The following DAB1 variants were observed in gnomAD, a reference collection of about 807,000 sequenced individuals.
DAB1 encodes the protein DAB adaptor protein 1.
Under a neutral mutation model 64.6 loss-of-function variants are expected in DAB1, and 15 were observed. That is an observed-to-expected ratio of 0.23 (90% CI 0.16 to 0.36). DAB1 has a LOEUF of 0.36. Among genes scored for constraint, DAB1 ranks in the 10% least tolerant of loss-of-function variants. DAB1 has a pLI of 1.00. For missense variants in DAB1, 596 were observed against 706.7 expected (o/e 0.84, Z 1.78); for synonymous variants, 235 against 251.9 (o/e 0.93, Z 0.64).
intron 9 of DAB1, among the ~76,000 whole-genome samples, chr1:57,056,300 A>T (rs891751447): frequency 6.7e-6 from 1 of 149,670 alleles, no homozygotes; most frequent in African/African-American, 2.5e-5. Context: ...GGAATTCAAG[A>T]CCACAGTGGG....
intron 6 of DAB1, among the ~76,000 whole-genome samples, chr1:57,656,514 A>G (rs971162241): frequency 6.6e-6 from 1 of 152,234 alleles, no homozygotes; most frequent in African/African-American, 2.4e-5. Context: ...TAGGTCTTGG[A>G]CCAGAATGTG....
intron 5 of DAB1, among the ~76,000 whole-genome samples, chr1:58,076,412 T>C (rs1053158712): frequency 6.6e-6 from 1 of 152,164 alleles, no homozygotes; most frequent in Non-Finnish European, 1.5e-5. Flanking sequence ...TGGCAACTAT[T>C]ATAAGCACTT....
intron 6 of DAB1, among the ~76,000 whole-genome samples, chr1:57,799,403 A>T (rs1047414676): frequency 6.6e-6 from 1 of 152,116 alleles, no homozygotes; most frequent in Non-Finnish European, 1.5e-5. Context: ...AAAAGAGTGG[A>T]TGGAACTCGC....
intron 5 of DAB1, chr1:58,047,776 G>A (rs1021753638): frequency 4.6e-6 from 1 of 217,284 alleles, no homozygotes; most frequent in African/African-American, 2.3e-5. Flanking sequence ...TGCCTGAGTT[G>A]AAAGTCCAGT....
At chr1:57,875,707 G>A (rs531685921) in intron 1 of DAB1, among the ~76,000 whole-genome samples, 4 of 152,270 alleles carry the variant, frequency 2.6e-5, no homozygotes, top group Non-Finnish European at 5.9e-5. Context: ...AAGAATAAAT[G>A]AATGAACTGC....
chr1:57,826,395 C>T (rs757001390), exon 2 of DAB1: 4 of 152,146 alleles, frequency 2.6e-5, no homozygotes, highest in Non-Finnish European at 4.4e-5. Flanking sequence ...AGAGGAGCAT[C>T]TCATCCAAGC....
At chr1:57,700,049 GACAGCATCAACAGTCA>G (rs1646889707) in intron 6 of DAB1, among the ~76,000 whole-genome samples, 1 of 152,036 alleles carries the variant, frequency 6.6e-6, no homozygotes, top group Non-Finnish European at 1.5e-5. Flanking sequence ...CTAACTTGCT[GACAGCATCAACAGTCA>G]ACCAGTTTCC....
chr1:58,483,796 G>A (rs1645529297), intron 3 of DAB1, among the ~76,000 whole-genome samples: 1 of 152,196 alleles, frequency 6.6e-6, no homozygotes, highest in African/African-American at 2.4e-5. Flanking sequence ...GACTGTCTCT[G>A]CAAAATTGGG....
At chr1:57,588,930 A>G (rs1645410997) in intron 7 of DAB1, among the ~76,000 whole-genome samples, 1 of 152,222 alleles carries the variant, frequency 6.6e-6, no homozygotes, top group Non-Finnish European at 1.5e-5. Context: ...AGAACAAAAA[A>G]AGTAGATAAA....
chr1:57,122,270 C>T lies in DAB1; in HGVS notation c.306+14273G>A, dbSNP rs189573537. On this transcript the variant is annotated intron_variant, in intron 4 of 14. Transcript: ENST00000371236. The stretch of plus-strand genomic sequence containing the variant: ...GGCTTCTCTGATTCATCTTCATATC[C>T]CAGTGCCTGGTACACATTGGATGCT... Among the ~76,000 whole-genome samples, 86 of 152,164 alleles carry T rather than the reference C, an allele frequency of 5.7e-4. 2 individuals carry two copies. In the East Asian group the frequency reaches 0.012, roughly 21 times the overall value.
chr1:57,509,439 A>G (rs2691437), intron 7 of DAB1, among the ~76,000 whole-genome samples: 45,133 of 151,440 alleles, frequency 0.3, 7,515 homozygotes, highest in African/African-American at 0.47. Flanking sequence ...AGAAACATAT[A>G]TTTTAGTCCC....
intron 5 of DAB1, among the ~76,000 whole-genome samples, chr1:57,901,606 C>T (rs1341881435): frequency 4.6e-5 from 7 of 152,052 alleles, no homozygotes; most frequent in African/African-American, 1.7e-4. Context: ...CCAGAGCCTC[C>T]CTAGCCAGCA....
At chr1:57,597,036 G>A (rs1040162789) in intron 7 of DAB1, among the ~76,000 whole-genome samples, 3 of 152,174 alleles carry the variant, frequency 2.0e-5, no homozygotes, top group Non-Finnish European at 4.4e-5. Context: ...CTGAAAGTGA[G>A]TGTTTATCCC....
At chr1:58,439,624 T>C (rs1644985492) in intron 3 of DAB1, among the ~76,000 whole-genome samples, 1 of 152,198 alleles carries the variant, frequency 6.6e-6, no homozygotes, top group Admixed American at 6.5e-5. Flanking sequence ...TATGCAATCC[T>C]GTGAGGAAAG....
chr1:57,397,927 A>G (rs1453496350), intron 1 of DAB1, among the ~76,000 whole-genome samples: 4 of 152,138 alleles, frequency 2.6e-5, no homozygotes, highest in Admixed American at 1.3e-4. Context: ...AACTCAGTCA[A>G]CCTTTCTCAT....
chr1:57,379,740 C>T (rs759500470), intron 1 of DAB1, among the ~76,000 whole-genome samples: 23 of 152,288 alleles, frequency 1.5e-4, no homozygotes, highest in Non-Finnish European at 2.5e-4. Flanking sequence ...ACACTGGATA[C>T]GGTGTGAACT....
chr1:57,884,853 G>A (rs577423953), upstream of DAB1, among the ~76,000 whole-genome samples: 1 of 152,256 alleles, frequency 6.6e-6, no homozygotes, highest in East Asian at 1.9e-4. Flanking sequence ...TCCTATGAGA[G>A]CTGGTTGTTA....
At chr1:57,218,130 G>A (rs896126994) in intron 2 of DAB1, among the ~76,000 whole-genome samples, 3 of 152,142 alleles carry the variant, frequency 2.0e-5, no homozygotes, top group African/African-American at 4.8e-5. Flanking sequence ...TGCCTTGAAA[G>A]TTAACTATGG....
Position 57,670,074 on chromosome 1 carries a change from G to T in DAB1, n.552-20409C>A, listed in dbSNP as rs80029118. On this transcript the variant is annotated intron_variant and non_coding_transcript_variant, in intron 6 of 20. Transcript: ENST00000485760. The stretch of plus-strand genomic sequence containing the variant: ...ATCTGTATATTTATTTCACAGTTCA[G>T]CTCCACTGAAATTATTTTTATTCAG... 7.9e-3 allele frequency among the ~76,000 whole-genome samples: 1,196 copies of T among 152,240 alleles called. 15 individuals carry two copies. Among genetic ancestry groups the T allele is most frequent in the African/African-American group, 0.028 (1,150 of 41,540 alleles).
Sources: gnomAD v4.1 joint callset for allele counts (sites outside exome capture counted in the v4.1 genomes callset) on GRCh38, gnomAD v4.1.1 for gene constraint, MANE v1.5 for transcripts, NCBI Gene and HGNC (gene_info 2026-07-23, HGNC 2026-07-21) for gene names.